NRG1: variants seen among roughly 807,000 people sequenced by gnomAD.
NRG1 encodes the protein neuregulin 1.
A neutral mutation model predicts 63.8 loss-of-function variants in NRG1; 18 were observed. The ratio of observed to expected loss-of-function variants is 0.28; its 90% CI spans 0.19 to 0.42. The LOEUF is 0.42. Among genes scored for constraint, NRG1 ranks in the 10% least tolerant of loss-of-function variants. NRG1 has a pLI of 1.00. For synonymous variants in NRG1, 302 were observed against 301.3 expected, an observed-to-expected ratio of 1.00 and a Z score of -0.02; for missense variants, 762 against 814.7, an observed-to-expected ratio of 0.94 and a Z score of 0.79.
intron 1 of NRG1, among the ~76,000 whole-genome samples, chr8:32,371,804 G>T (rs1808897844): frequency 1.3e-5 from 2 of 152,094 alleles, no homozygotes; most frequent in Admixed American, 1.3e-4. Flanking sequence ...CCTGGTCTGA[G>T]TTCATTGTGG....
At chr8:32,043,675 T>C (rs1820455721) in intron 1 of NRG1, among the ~76,000 whole-genome samples, 2 of 151,976 alleles carry the variant, frequency 1.3e-5, no homozygotes, top group Non-Finnish European at 2.9e-5. Flanking sequence ...ACCTATATGA[T>C]GGTAGTAGGA....
intron 1 of NRG1, among the ~76,000 whole-genome samples, chr8:32,373,772 T>C (rs1809252415): frequency 6.6e-6 from 1 of 152,094 alleles, no homozygotes; most frequent in African/African-American, 2.4e-5. Flanking sequence ...AGCGAGATCC[T>C]GTCTCAAAAA....
intron 1 of NRG1, among the ~76,000 whole-genome samples, chr8:31,918,616 G>C (rs1833619461): frequency 6.6e-6 from 1 of 152,114 alleles, no homozygotes; most frequent in African/African-American, 2.4e-5. Context: ...GTATTTTATT[G>C]AGGATTTTTG....
intron 1 of NRG1, among the ~76,000 whole-genome samples, chr8:31,760,747 A>G (rs996305625): frequency 1.3e-5 from 2 of 152,194 alleles, no homozygotes; most frequent in Admixed American, 6.5e-5. Flanking sequence ...CAAAACCACA[A>G]TGAGATACCA....
intron 6 of NRG1, among the ~76,000 whole-genome samples, chr8:32,738,331 A>T (rs529662097): frequency 2.4e-4 from 36 of 152,218 alleles, no homozygotes; most frequent in Admixed American, 1.3e-4. Context: ...ACAAATATAG[A>T]ACAAACATGA....
chr8:32,013,311 G>A (rs935103742), intron 1 of NRG1, among the ~76,000 whole-genome samples: 2 of 152,032 alleles, frequency 1.3e-5, no homozygotes, highest in Non-Finnish European at 2.9e-5. Context: ...AGCAGGAAGA[G>A]GAACCACTTT....
intron 1 of NRG1, among the ~76,000 whole-genome samples, chr8:32,428,342 C>CTTTTTTTTTTTTTTTTTT (rs11415830): frequency 1.4e-5 from 2 of 146,972 alleles, no homozygotes; most frequent in Non-Finnish European, 1.5e-5. Flanking sequence ...TGAGTGAATT[C>CTTTTTTTTTTTTTTTTTT]TTTTTTTTTT....
In NRG1 at chr8:32,722,004, T is replaced by C. The variant is rs776315910; in HGVS notation, c.503-5945T>C. On this transcript the variant is annotated intron_variant, in intron 5 of 11. Transcript: ENST00000356819. ...CTGGACTTCAAAGAGCAGGAAAGTATGCAGATTCCTAAACACATAAGCATT... is the reference window on the plus strand; with the variant it reads ...CTGGACTTCAAAGAGCAGGAAAGTACGCAGATTCCTAAACACATAAGCATT... 35 of 1,548,394 alleles carry C rather than the reference T, an allele frequency of 2.3e-5. No individual in the cohort carries two copies. In the South Asian group the frequency reaches 4.1e-4, roughly 18 times the overall value.
chr8:31,727,867 C>T (rs1408133739), intron 1 of NRG1, among the ~76,000 whole-genome samples: 1 of 152,122 alleles, frequency 6.6e-6, no homozygotes, highest in Non-Finnish European at 1.5e-5. Context: ...ACCAACATCA[C>T]TGCTCTTGTA....
At chr8:31,782,469 T>G (rs1819781991) in intron 1 of NRG1, among the ~76,000 whole-genome samples, 2 of 152,194 alleles carry the variant, frequency 1.3e-5, no homozygotes, top group South Asian at 4.1e-4. Context: ...ATTATCTGTA[T>G]TCTGTCTTTA....
chr8:32,067,831 G>T (rs1448174038), intron 1 of NRG1, among the ~76,000 whole-genome samples: 1 of 151,974 alleles, frequency 6.6e-6, no homozygotes, highest in East Asian at 1.9e-4. Context: ...TGGTTAATTG[G>T]CTTTAAAGAA....
At chr8:31,821,303 C>A (rs866342002) in intron 1 of NRG1, among the ~76,000 whole-genome samples, 10 of 152,208 alleles carry the variant, frequency 6.6e-5, no homozygotes, top group African/African-American at 2.2e-4. Context: ...ACTTGTGGTT[C>A]TCAAGTCACT....
chr8:31,753,738 G>C (rs771041904), intron 1 of NRG1, among the ~76,000 whole-genome samples: 12 of 151,914 alleles, frequency 7.9e-5, no homozygotes, highest in African/African-American at 2.9e-4. Context: ...CATATATCAG[G>C]GTTTTTTTAA....
At chr8:32,648,118 G>A in intron 5 of NRG1, 1 of 1,614,116 alleles carries the variant, frequency 6.2e-7, no homozygotes, top group Non-Finnish European at 8.5e-7. Context: ...TCAGCTGTGT[G>A]GGTGTCGTCT....
At chr8:31,717,256 A>T (rs922052990) in intron 1 of NRG1, among the ~76,000 whole-genome samples, 106 of 151,698 alleles carry the variant, frequency 7.0e-4, no homozygotes, top group Non-Finnish European at 1.9e-4. Context: ...AAAAAACAAA[A>T]ATTTGCTGAG....
intron 1 of NRG1, among the ~76,000 whole-genome samples, chr8:31,984,397 C>T (rs1340462018): frequency 6.6e-6 from 1 of 152,094 alleles, no homozygotes; most frequent in Non-Finnish European, 1.5e-5. Flanking sequence ...CTACTTAATA[C>T]ATCTCAGTTG....
chr8:32,459,799 C>T (rs572741565), intron 1 of NRG1, among the ~76,000 whole-genome samples: 19 of 152,256 alleles, frequency 1.2e-4, no homozygotes, highest in South Asian at 6.2e-4. Context: ...GCTGTTCCTC[C>T]GAACTACAGG....
intron 1 of NRG1, among the ~76,000 whole-genome samples, chr8:32,215,110 A>C (rs1263803415): frequency 2.0e-5 from 3 of 152,230 alleles, no homozygotes; most frequent in Admixed American, 6.5e-5. Context: ...TACTTATACT[A>C]ATATATATAC....
intron 1 of NRG1, among the ~76,000 whole-genome samples, chr8:31,966,938 A>G (rs1806441769): frequency 6.6e-6 from 1 of 152,190 alleles, no homozygotes; most frequent in East Asian, 1.9e-4. Flanking sequence ...TAAACCATAG[A>G]TAACTCAAAT....
Sources: gnomAD v4.1 joint callset for allele counts (sites outside exome capture counted in the v4.1 genomes callset) on GRCh38, gnomAD v4.1.1 for gene constraint, MANE v1.5 for transcripts, NCBI Gene and HGNC (gene_info 2026-07-23, HGNC 2026-07-21) for gene names.